The following EEFSEC variants were observed in gnomAD, a reference collection of about 807,000 sequenced individuals.
EEFSEC encodes the protein selenocysteine-specific elongation factor.
In EEFSEC, 43 loss-of-function variants were observed where a neutral mutation model predicts 42.1. The observed-to-expected ratio is 1.02, with a 90% CI of 0.80 to 1.32. The LOEUF is 1.32. Ranked by LOEUF, EEFSEC falls within the 40% of genes most tolerant of loss-of-function variation. EEFSEC has a pLI of 0.00. For missense variants in EEFSEC, 745 were observed against 803.6 expected (o/e 0.93, Z 0.88); for synonymous variants, 354 against 339.1 (o/e 1.04, Z -0.48).
chr3:128,190,934 T>A (rs1482354136), intron 1 of EEFSEC, among the ~76,000 whole-genome samples: 2 of 152,154 alleles, frequency 1.3e-5, no homozygotes, highest in Non-Finnish European at 2.9e-5. Flanking sequence ...GTATTTTTTT[T>A]ATTATGGTAA....
chr3:128,347,036 C>CA (rs1285412868), intron 5 of EEFSEC, among the ~76,000 whole-genome samples: 1 of 152,070 alleles, frequency 6.6e-6, no homozygotes, highest in Non-Finnish European at 1.5e-5. Context: ...GAATGAGCAC[C>CA]CTGCGAGGAA....
chr3:128,164,168 A>G (rs1181203779), intron 1 of EEFSEC, among the ~76,000 whole-genome samples: 2 of 152,048 alleles, frequency 1.3e-5, no homozygotes, highest in Admixed American at 6.5e-5. Flanking sequence ...ATGGAGCTGC[A>G]TTTGGTGTTT....
intron 4 of EEFSEC, among the ~76,000 whole-genome samples, chr3:128,287,644 T>C (rs867025136): frequency 6.6e-6 from 1 of 152,224 alleles, no homozygotes; most frequent in African/African-American, 2.4e-5. Flanking sequence ...GGAAAGCCCA[T>C]AGGCCAGAGA....
chr3:128,203,080 A>G (rs1343053374), intron 1 of EEFSEC, among the ~76,000 whole-genome samples: 4 of 152,202 alleles, frequency 2.6e-5, no homozygotes, highest in African/African-American at 7.2e-5. Flanking sequence ...ATTTTCCAGG[A>G]ATGGATTATT....
chr3:128,423,135 G>T, the EEFSEC span, among the ~76,000 whole-genome samples: 2 of 152,210 alleles, frequency 1.3e-5, no homozygotes, highest in African/African-American at 4.8e-5. Flanking sequence ...GCACACAGCA[G>T]GTGCTCATTA....
chr3:128,397,792 TG>T (rs1206328321), intron 6 of EEFSEC, among the ~76,000 whole-genome samples: 1 of 152,274 alleles, frequency 6.6e-6, no homozygotes, highest in Admixed American at 6.5e-5. Context: ...CCAGCTGCTC[TG>T]GCCCATGGAT....
At chr3:128,254,182 G>A (rs2066217989) in intron 2 of EEFSEC, among the ~76,000 whole-genome samples, 1 of 152,204 alleles carries the variant, frequency 6.6e-6, no homozygotes, top group Non-Finnish European at 1.5e-5. Context: ...GCTCCTCAGA[G>A]TAGCAAGGGG....
At chr3:128,160,714 A>T (rs2065175609) in intron 1 of EEFSEC, among the ~76,000 whole-genome samples, 1 of 152,176 alleles carries the variant, frequency 6.6e-6, no homozygotes, top group Non-Finnish European at 1.5e-5. Context: ...AAATTATAAC[A>T]GTTGTCTGAG....
intron 4 of EEFSEC, among the ~76,000 whole-genome samples, chr3:128,271,256 G>C (rs2066409726): frequency 6.6e-6 from 1 of 152,210 alleles, no homozygotes; most frequent in Non-Finnish European, 1.5e-5. Flanking sequence ...TCCCTGTGCT[G>C]CCTCATTCTG....
At chr3:128,184,821 A>G (rs146266986) in intron 1 of EEFSEC, among the ~76,000 whole-genome samples, 5 of 152,312 alleles carry the variant, frequency 3.3e-5, no homozygotes, top group African/African-American at 7.2e-5. Flanking sequence ...GAAATTCTCA[A>G]TTGTATCACA....
chr3:128,207,136 G>T (rs571255252), intron 1 of EEFSEC, among the ~76,000 whole-genome samples: 1 of 152,282 alleles, frequency 6.6e-6, no homozygotes, highest in East Asian at 1.9e-4. Flanking sequence ...TTGAGTAAGA[G>T]TCTTATAAAA....
At chr3:128,171,577 C>T (rs1206428421) in intron 1 of EEFSEC, among the ~76,000 whole-genome samples, 2 of 151,930 alleles carry the variant, frequency 1.3e-5, no homozygotes, top group Non-Finnish European at 2.9e-5. Flanking sequence ...GTCATCAACC[C>T]TTCTATACTC....
chr3:128,263,422 C>T (rs1050115758), intron 3 of EEFSEC, among the ~76,000 whole-genome samples: 1 of 152,208 alleles, frequency 6.6e-6, no homozygotes, highest in Non-Finnish European at 1.5e-5. Context: ...TTTACACGTG[C>T]TGATCTTGTC....
chr3:128,293,140 C>T (rs1291143525), intron 4 of EEFSEC, among the ~76,000 whole-genome samples: 1 of 152,174 alleles, frequency 6.6e-6, no homozygotes, highest in African/African-American at 2.4e-5. Flanking sequence ...TCAGAGAATA[C>T]ACATTTCATG....
At chr3:128,316,159 C>T (rs1356701419) in intron 4 of EEFSEC, among the ~76,000 whole-genome samples, 4 of 152,140 alleles carry the variant, frequency 2.6e-5, no homozygotes, top group Middle Eastern at 3.2e-3. Flanking sequence ...GGTATTTATT[C>T]AGTTATAATA....
intron 1 of EEFSEC, among the ~76,000 whole-genome samples, chr3:128,195,555 T>A (rs990010669): frequency 8.5e-5 from 13 of 152,176 alleles, no homozygotes; most frequent in African/African-American, 3.1e-4. Context: ...TGGCGGAATG[T>A]GTGGGACCTG....
intron 1 of EEFSEC, among the ~76,000 whole-genome samples, chr3:128,229,876 T>C (rs1030788394): frequency 1.3e-5 from 2 of 152,156 alleles, no homozygotes; most frequent in African/African-American, 2.4e-5. Flanking sequence ...GAGTTTCTGT[T>C]CCCTTTGGTC....
chr3:128,282,669 G>A (rs892299659), intron 4 of EEFSEC, among the ~76,000 whole-genome samples: 5 of 152,172 alleles, frequency 3.3e-5, no homozygotes, highest in Non-Finnish European at 7.4e-5. Context: ...CTTGGTATGT[G>A]AAGATTTTCA....
chr3:128,414,570 C>G, the EEFSEC span, among the ~76,000 whole-genome samples: 1 of 152,318 alleles, frequency 6.6e-6, no homozygotes, highest in South Asian at 2.1e-4. Context: ...GGTTAATTAC[C>G]AAGAAAGACT....
Sources: gnomAD v4.1 joint callset for allele counts (sites outside exome capture counted in the v4.1 genomes callset) on GRCh38, gnomAD v4.1.1 for gene constraint, MANE v1.5 for transcripts, NCBI Gene and HGNC (gene_info 2026-07-23, HGNC 2026-07-21) for gene names.